The following COL15A1 variants were observed in gnomAD, a reference collection of about 807,000 sequenced individuals.
The protein encoded by COL15A1 is collagen alpha-1(XV) chain.
Under a neutral mutation model 165.9 loss-of-function variants are expected in COL15A1, and 111 were observed. The ratio of observed to expected loss-of-function variants is 0.67; its 90% CI spans 0.57 to 0.78. COL15A1 has a LOEUF of 0.78. Ranked by LOEUF, COL15A1 falls within the 30% of genes least tolerant of loss-of-function variation. The probability of loss-of-function intolerance (pLI) is 0.00; values close to 1 mark genes in which losing one functional copy is unlikely to be tolerated. For missense variants in COL15A1, 1,745 were observed against 1,789.7 expected (o/e 0.98, Z 0.45); for synonymous variants, 659 against 674.8 (o/e 0.98, Z 0.36).
At chr9:99,041,900 A>G in intron 23 of COL15A1, 145 bp from the exon 24 acceptor site, 1 of 603,140 alleles carries the variant, frequency 1.7e-6, no homozygotes, top group Non-Finnish European at 2.9e-6. Flanking sequence ...ACTTAAGGTT[A>G]AGAAAATGTC....
chr9:99,034,525 T>C (rs775484287), intron 16 of COL15A1, 24 bp from the exon 17 acceptor site: 3 of 1,583,686 alleles, frequency 1.9e-6, no homozygotes, highest in Admixed American at 1.9e-5. Context: ...AATTGGTCCA[T>C]GTTTTTGTTT....
intron 11 of COL15A1, among the ~76,000 whole-genome samples, chr9:99,018,633 A>C (rs1320119332): frequency 6.6e-6 from 1 of 152,248 alleles, no homozygotes; most frequent in East Asian, 1.9e-4. Flanking sequence ...AGCCAACAAT[A>C]GAAGATTAAT....
In COL15A1 at chr9:99,024,981, T is replaced by C. The variant is rs745559588; in HGVS notation, c.1962T>C (p.Ala654=). The C allele has an allele frequency of 6.2e-7, 1 of 1,613,642 alleles. No individual in the cohort carries two copies. The highest frequency in any genetic ancestry group is 8.5e-7 in the Non-Finnish European group (1 of 1,179,774). Residue 654 remains alanine (A), a synonymous_variant, in exon 15 of 42, where the codon GCT becomes GCC. Coordinates refer to ENST00000375001, the MANE Select transcript of COL15A1 (RefSeq NM_001855.5). ...PPGSPGEDGP[A]GEPGPPGPEG... Reference sequence around the variant, plus strand: ...GATCTCCTGGAGAGGATGGACCTGCTGGTGAACCTGGGCCCCCGGTGAGCA... The same window carrying C: ...GATCTCCTGGAGAGGATGGACCTGCCGGTGAACCTGGGCCCCCGGTGAGCA...
At chr9:98,967,384 T>G (rs959398153) in intron 2 of COL15A1, among the ~76,000 whole-genome samples, 3 of 152,214 alleles carry the variant, frequency 2.0e-5, no homozygotes, top group Admixed American at 2.0e-4. Context: ...AACCCTCTCC[T>G]GACAGGCCTT....
At chr9:99,064,183 T>C (rs1825860027) in intron 39 of COL15A1, among the ~76,000 whole-genome samples, 2 of 152,180 alleles carry the variant, frequency 1.3e-5, no homozygotes, top group African/African-American at 4.8e-5. Context: ...ATTCTTGCCC[T>C]AAGTCTGTGT....
chr9:99,010,620 G>A (rs7045794), intron 9 of COL15A1, among the ~76,000 whole-genome samples: 62,457 of 152,016 alleles, frequency 0.41, 14,005 homozygotes, highest in East Asian at 0.68. Flanking sequence ...TTCTGTCGGC[G>A]GGAACACTTG....
In COL15A1 at chr9:99,047,257, C is replaced by A. The variant is rs75149051; in HGVS notation, c.2680-529C>A. On this transcript the variant is annotated intron_variant, in intron 26 of 41. Transcript: ENST00000375001. The stretch of plus-strand genomic sequence containing the variant: ...ATAGGGTCCATGGTCTGGAACTCAG[C>A]TGGATGACTGGGGTGTCAGACCAAG... Among the ~76,000 whole-genome samples, 674 of 152,332 alleles carry A rather than the reference C, an allele frequency of 4.4e-3. 12 individuals carry two copies. The highest frequency in any genetic ancestry group is 0.031 in the Admixed American group (478 of 15,300).
chr9:98,980,374 C>T (rs541186997), intron 2 of COL15A1, among the ~76,000 whole-genome samples: 2 of 152,242 alleles, frequency 1.3e-5, no homozygotes, highest in Admixed American at 6.5e-5. Context: ...GGTGTGGGTG[C>T]GGGAGGTGAA....
chr9:99,000,871 G>A lies in COL15A1; in HGVS notation c.985G>A (p.Gly329Arg). 1.3e-6 allele frequency: 2 copies of A among 1,599,732 alleles called. No individual in the cohort carries two copies. Among genetic ancestry groups the A allele is most frequent in the Non-Finnish European group, 1.7e-6 (2 of 1,167,454 alleles). ...SGEILNDTLE[G>R]VHSVDGDPIT... is the part of the protein sequence containing the mutation. ...TGAGATCCTGAATGACACACTGGAG[G>A]GGGTTCATTCTGTGGATGGTGACCC... is the stretch of plus-strand genomic sequence containing the variant. Residue 329 changes from glycine (G) to arginine (R), a missense_variant, in exon 7 of 42, where the codon GGG becomes AGG. Physicochemically the swap from Gly to Arg is moderately radical, Grantham distance 125 (BLOSUM62 -2). Coordinates refer to ENST00000375001, the MANE Select transcript of COL15A1 (RefSeq NM_001855.5).
intron 5 of COL15A1, among the ~76,000 whole-genome samples, chr9:98,990,702 G>T (rs1184991644): frequency 6.6e-6 from 1 of 152,194 alleles, no homozygotes; most frequent in African/African-American, 2.4e-5. Context: ...AGAGAAGCTT[G>T]GGAGGGGGCA....
chr9:98,986,157 C>A, intron 3 of COL15A1, 45 bp downstream of exon 3: 2 of 1,432,892 alleles, frequency 1.4e-6, no homozygotes, highest in Non-Finnish European at 1.9e-6. Context: ...GGTGGATGAA[C>A]AGACTCGCCA....
rs200236497 is a variant in COL15A1 at position 99,035,426 on chromosome 9, G to C, written c.2289+8G>C. On this transcript the variant is annotated splice_region_variant and intron_variant, in intron 19 of 41. Transcript: ENST00000375001. ...AGACCAACGGCTGCAATTGTAGGTC[G>C]CCTCTGAAACCTTCATTATGAGGGT... 30 of 1,613,916 alleles carry C rather than the reference G, an allele frequency of 1.9e-5. 1 individual carries two copies. Among genetic ancestry groups the C allele is most frequent in the Middle Eastern group, 3.3e-4 (2 of 6,084 alleles).
chr9:98,993,125 C>T (rs1467128485), intron 5 of COL15A1, among the ~76,000 whole-genome samples: 1 of 152,212 alleles, frequency 6.6e-6, no homozygotes, highest in Non-Finnish European at 1.5e-5. Context: ...CTTAAGCTCT[C>T]CAAGGCTCAG....
At chr9:99,010,519 T>C (rs1418752136) in intron 9 of COL15A1, among the ~76,000 whole-genome samples, 1 of 152,078 alleles carries the variant, frequency 6.6e-6, no homozygotes, top group Non-Finnish European at 1.5e-5. Context: ...TAGTCCAGAG[T>C]AGGCTTGCAA....
chr9:98,980,090 G>A (rs138657296), intron 2 of COL15A1, among the ~76,000 whole-genome samples: 68 of 152,228 alleles, frequency 4.5e-4, no homozygotes, highest in African/African-American at 1.6e-3. Flanking sequence ...AGCCTGGGAG[G>A]TGGAGGCTGC....
chr9:99,035,327 T>A, intron 18 of COL15A1, 23 bp from the exon 19 acceptor site: 1 of 1,614,118 alleles, frequency 6.2e-7, no homozygotes, highest in Non-Finnish European at 8.5e-7. Flanking sequence ...GATCTGAAAT[T>A]CTCATTCTTG....
At position 99,036,406 on chromosome 9, in the gene COL15A1, A is replaced by G; in HGVS notation, c.2409+10A>G. 6.2e-7 allele frequency: 1 copy of G among 1,613,964 alleles called. No individual in the cohort carries two copies. Among genetic ancestry groups the G allele is most frequent in the Non-Finnish European group, 8.5e-7 (1 of 1,179,872 alleles). On this transcript the variant is annotated intron_variant, in intron 21 of 41. Transcript: ENST00000375001. Reference sequence around the variant, plus strand: ...CAAGGTCTTGTCTAATGTGAGTATCATTCAGGTCAGAGCTTGTCTACATAT... The same window carrying G: ...CAAGGTCTTGTCTAATGTGAGTATCGTTCAGGTCAGAGCTTGTCTACATAT...
intron 16 of COL15A1, among the ~76,000 whole-genome samples, chr9:99,027,881 T>A (rs762040857): frequency 1.3e-5 from 2 of 152,076 alleles, no homozygotes; most frequent in Non-Finnish European, 2.9e-5. Context: ...ACCAAAAAAG[T>A]CCCTAATAAA....
chr9:98,979,891 C>T (rs74824201), intron 2 of COL15A1, among the ~76,000 whole-genome samples: 6 of 152,020 alleles, frequency 3.9e-5, no homozygotes, highest in African/African-American at 7.3e-5. Flanking sequence ...AGCGCAGGGG[C>T]TCACACCTGT....
Sources: gnomAD v4.1 joint callset for allele counts (sites outside exome capture counted in the v4.1 genomes callset) on GRCh38, gnomAD v4.1.1 for gene constraint, MANE v1.5 for transcripts, NCBI Gene and HGNC (gene_info 2026-07-23, HGNC 2026-07-21) for gene names.